Variants in TNKS1BP1 observed in about 807,000 individuals in gnomAD.
TNKS1BP1 encodes the protein 182 kDa tankyrase-1-binding protein.
Under a neutral mutation model 141.1 loss-of-function variants are expected in TNKS1BP1, and 48 were observed. The observed-to-expected ratio is 0.34, with a 90% CI of 0.27 to 0.43. The LOEUF is 0.43. TNKS1BP1 is among the 20% of genes least tolerant of loss of function. The pLI is 1.00. For missense variants in TNKS1BP1, 2,149 were observed against 2,226.0 expected (o/e 0.97, Z 0.70); for synonymous variants, 875 against 898.2 (o/e 0.97, Z 0.46).
rs1855945608 is a variant in TNKS1BP1 at position 57,324,903 on chromosome 11, C to A, written c.-129G>T. The A allele has an allele frequency of 3.1e-6, 3 of 983,544 alleles. No individual in the cohort carries two copies. Among genetic ancestry groups the A allele is most frequent in the Non-Finnish European group, 1.2e-6 (1 of 827,774 alleles). 60.9% of individuals were successfully genotyped at this position (983,544 alleles called of 1,614,324 possible). On this transcript the variant is annotated 5_prime_UTR_variant, in exon 1 of 12. Coordinates refer to ENST00000358252, the MANE Select transcript of TNKS1BP1 (RefSeq NM_033396.3). ...CCGATGCCAGTCCCCGCCGCCGCCGCCGCTGCTACCGCCGCCGCCGCCGCC... is the reference window on the plus strand; with the variant it reads ...CCGATGCCAGTCCCCGCCGCCGCCGACGCTGCTACCGCCGCCGCCGCCGCC...
In TNKS1BP1 at chr11:57,313,488, G is replaced by A. The variant is rs1395715381; in HGVS notation, c.1200C>T (p.Leu400=). Residue 400 remains leucine, a synonymous_variant, in exon 5 of 12, where the codon CTC becomes CTT. Transcript: ENST00000358252. The part of the protein sequence containing the change: ...PLIEVGELLD[L]TRTFPSGGEE... ...CCCCGCCAGATGGAAACGTCCGAGT[G>A]AGATCCAGCAACTCACCCACCTCGA... 1 of 1,580,462 alleles carries A rather than the reference G, an allele frequency of 6.3e-7. No individual in the cohort carries two copies.
At position 57,301,813 on chromosome 11, in the gene TNKS1BP1, G is replaced by A. The variant is rs750744427; in HGVS notation, c.4965C>T (p.Ala1655=). Residue 1655 remains alanine, a synonymous_variant, in exon 9 of 12, where the codon GCC becomes GCT. Coordinates refer to ENST00000358252, the MANE Select transcript of TNKS1BP1 (RefSeq NM_033396.3). ...VNLFPGLSPS[A]LKAKLRPRNR... is the part of the protein sequence containing the mutation. ...CTTAATGATCAGATGGTACCTTCAG[G>A]GCTGAGGGGCTCAGGCCAGGAAAGA... 12 of 1,613,816 alleles carry A rather than the reference G, an allele frequency of 7.4e-6. No individual in the cohort carries two copies. In the South Asian group the frequency reaches 9.9e-5, roughly 13 times the overall value.
chr11:57,318,269 T>C (rs1440796069), intron 3 of TNKS1BP1, among the ~76,000 whole-genome samples: 1 of 152,196 alleles, frequency 6.6e-6, no homozygotes, highest in Non-Finnish European at 1.5e-5. Flanking sequence ...GCCCTGCCAA[T>C]ACTTCTTGAA....
chr11:57,317,968 G>A (rs2134370732), intron 3 of TNKS1BP1, 81 bp from the exon 4 acceptor site: 1 of 1,365,650 alleles, frequency 7.3e-7, no homozygotes, highest in South Asian at 1.2e-5. Context: ...GAGTCTCCCA[G>A]TGCAACTTTA....
rs767208633 is a variant in TNKS1BP1, at chr11:57,301,032, G to A, written c.4981C>T (p.Arg1661Cys). 30 of 1,610,670 alleles carry A rather than the reference G, an allele frequency of 1.9e-5. 1 individual carries two copies. The highest frequency in any genetic ancestry group is 9.9e-5 in the South Asian group (9 of 90,718). Reference sequence around the variant, plus strand: ...TCCTCAGCTGAGCGATTCCGGGGGCGCAGCTTGGCCTGAGAAGCAAGTCCA... The same window carrying A: ...TCCTCAGCTGAGCGATTCCGGGGGCACAGCTTGGCCTGAGAAGCAAGTCCA... ...LSPSALKAKL[R>C]PRNRSAEEGE... Residue 1661 changes from arginine (R) to cysteine (C), a missense_variant, in exon 10 of 12, where the codon CGC becomes TGC. Arg to Cys is a radical substitution (Grantham distance 180). Coordinates refer to ENST00000358252, the MANE Select transcript of TNKS1BP1 (RefSeq NM_033396.3).
At chr11:57,301,077 G>C in intron 9 of TNKS1BP1, 36 bp from the exon 10 acceptor site, 8 of 1,564,752 alleles carry the variant, frequency 5.1e-6, no homozygotes, top group Non-Finnish European at 6.9e-6. Context: ...AGATAGTAGA[G>C]GGACAGGCAG....
chr11:57,304,215 A>G (rs1045284076), intron 6 of TNKS1BP1, among the ~76,000 whole-genome samples: 8 of 152,008 alleles, frequency 5.3e-5, no homozygotes, highest in Admixed American at 1.3e-4. Flanking sequence ...CCAGGTTCCC[A>G]CTGGGATTAA....
Position 57,310,374 on chromosome 11 carries a change from C to T in TNKS1BP1, c.2337G>A (p.Gly779=), listed in dbSNP as rs1209953785. 1 of 1,614,074 alleles carries T rather than the reference C, an allele frequency of 6.2e-7. No homozygotes were observed. Among genetic ancestry groups the T allele is most frequent in the Non-Finnish European group, 8.5e-7 (1 of 1,180,042 alleles). ...TGGTGCTCCCTTCCCCTGCTCCTTG[C>T]CCATACTTGCTGGTCCAGTCCCTCT... ...LGERDWTSKY[G]QGAGEGSTRE... Residue 779 remains glycine, a synonymous_variant, in exon 6 of 12, where the codon GGG becomes GGA. Coordinates refer to ENST00000358252, the MANE Select transcript of TNKS1BP1 (RefSeq NM_033396.3).
At chr11:57,310,785 C>A (rs184979717) in intron 5 of TNKS1BP1, among the ~76,000 whole-genome samples, 187 of 152,256 alleles carry the variant, frequency 1.2e-3, no homozygotes, top group African/African-American at 4.2e-3. Flanking sequence ...TAAATGAGAT[C>A]ATTTAGACCA....
rs1855497934 is a variant in TNKS1BP1, at chr11:57,299,804, G to GA, written c.*289dup. On this transcript the variant is annotated 3_prime_UTR_variant, in exon 12 of 12. Coordinates refer to ENST00000358252, the MANE Select transcript of TNKS1BP1 (RefSeq NM_033396.3). ...AAAATGCTATAAATTGGTATCAAAA[G>GA]AAAACCCAAGGGAGGCTGGAGGAGG... 1 of 154,926 alleles carries GA rather than the reference G, an allele frequency of 6.5e-6. No individual in the cohort carries two copies. The highest frequency in any genetic ancestry group is 2.0e-4 in the South Asian group (1 of 4,918). 9.6% of individuals were successfully genotyped at this position (154,926 alleles called of 1,614,324 possible). A position where few individuals can be genotyped will look rare whatever the true frequency, so the allele number is the denominator to read the frequency against.
intron 4 of TNKS1BP1, among the ~76,000 whole-genome samples, chr11:57,315,420 CA>C (rs1052614504): frequency 2.0e-4 from 31 of 152,244 alleles, no homozygotes; most frequent in African/African-American, 7.2e-4. Context: ...TCTGCTTCAT[CA>C]TACTGTTTAA....
At position 57,313,595 on chromosome 11, in the gene TNKS1BP1, G is replaced by A; in HGVS notation, c.1093C>T (p.Pro365Ser). 1 of 1,596,620 alleles carries A rather than the reference G, an allele frequency of 6.3e-7. No individual in the cohort carries two copies. Among genetic ancestry groups the A allele is most frequent in the Non-Finnish European group, 8.5e-7 (1 of 1,172,288 alleles). ...GLPAEGAPEA[P>S]RPSSPPPEVL... Reference sequence around the variant, plus strand: ...TCAGGGGGTGGGCTGCTGGGTCTGGGGGCCTCTGGAGCCCCCTCGGCAGGG... The same window carrying A: ...TCAGGGGGTGGGCTGCTGGGTCTGGAGGCCTCTGGAGCCCCCTCGGCAGGG... Residue 365 changes from proline to serine, a missense_variant, in exon 5 of 12, where the codon CCC becomes TCC. Pro to Ser is a moderately conservative substitution (Grantham distance 74, BLOSUM62 -1). Coordinates refer to ENST00000358252, the MANE Select transcript of TNKS1BP1 (RefSeq NM_033396.3).
rs200365694 is a variant in TNKS1BP1, at chr11:57,312,596, C to G, written c.2092G>C (p.Gly698Arg). ...LLASPPPSGG[G>R]ARRGAGAELK... ...TCAGCTCCAGCTCCCCGCCTTGCAC[C>G]GCCACCACTGGGTGGTGGTGAAGCC... The change falls in exon 5 of 12, where the codon GGT becomes CGT. Residue 698 changes from glycine to arginine, a missense_variant. Physicochemically the swap from Gly to Arg is moderately radical, Grantham distance 125. Coordinates refer to ENST00000358252, the MANE Select transcript of TNKS1BP1 (RefSeq NM_033396.3). 4 of 1,526,528 alleles carry G rather than the reference C, an allele frequency of 2.6e-6. No individual in the cohort carries two copies. The African/African-American group carries it at 4.2e-5, about 16-fold the overall frequency. 94.6% of individuals were successfully genotyped at this position (1,526,528 alleles called of 1,614,324 possible). A position where few individuals can be genotyped will look rare whatever the true frequency, so the allele number is the denominator to read the frequency against.
chr11:57,323,028 TCA>T (rs1274613182), intron 1 of TNKS1BP1, among the ~76,000 whole-genome samples: 1 of 152,182 alleles, frequency 6.6e-6, no homozygotes, highest in African/African-American at 2.4e-5. Context: ...TCTCCAAGCC[TCA>T]GTTTCTCCAA....
At position 57,313,404 on chromosome 11, in the gene TNKS1BP1, G is replaced by A. The variant is rs768441436; in HGVS notation, c.1284C>T (p.Phe428=). The A allele has an allele frequency of 2.5e-6, 4 of 1,612,090 alleles. No individual in the cohort carries two copies. The highest frequency in any genetic ancestry group is 3.4e-6 in the Non-Finnish European group (4 of 1,179,322). ...TGGGTGACTGGAGCACACCTTCAGA[G>A]AATCGGCGCTGAACCAGGCTGGTGG... The part of the protein sequence containing the change: ...LRPTSLVQRR[F]SEGVLQSPSQ... Residue 428 remains phenylalanine (F), a synonymous_variant, in exon 5 of 12, where the codon TTC becomes TTT. Coordinates refer to ENST00000358252, the MANE Select transcript of TNKS1BP1 (RefSeq NM_033396.3).
Position 57,308,878 on chromosome 11 carries a change from T to A in TNKS1BP1, c.3833A>T (p.Gln1278Leu), listed in dbSNP as rs769960251. ...FLKSRERGVG[Q>L]ADWTPDLGLR... ...CCCAAGGTCAGGTGTCCAGTCTGCCTGTCCAACTCCACGCTCCCTTGATTT... is the reference window on the plus strand; with the variant it reads ...CCCAAGGTCAGGTGTCCAGTCTGCCAGTCCAACTCCACGCTCCCTTGATTT... The change falls in exon 6 of 12, where the codon CAG becomes CTG. Residue 1278 changes from glutamine (Q) to leucine (L), a missense_variant. Physicochemically the swap from Gln to Leu is moderately radical, Grantham distance 113. Coordinates refer to ENST00000358252, the MANE Select transcript of TNKS1BP1 (RefSeq NM_033396.3). 9.9e-6 allele frequency: 16 copies of A among 1,614,004 alleles called. No individual in the cohort carries two copies. The highest frequency in any genetic ancestry group is 1.4e-5 in the Non-Finnish European group (16 of 1,180,024).
chr11:57,318,701 T>C (rs1855833930), intron 3 of TNKS1BP1, among the ~76,000 whole-genome samples: 1 of 152,246 alleles, frequency 6.6e-6, no homozygotes, highest in Non-Finnish European at 1.5e-5. Flanking sequence ...CCTCAGCCTC[T>C]TCCTCCAAAG....
At chr11:57,324,437 G>A (rs1241044667) in intron 1 of TNKS1BP1, among the ~76,000 whole-genome samples, 1 of 148,718 alleles carries the variant, frequency 6.7e-6, no homozygotes, top group African/African-American at 2.5e-5. Context: ...GTGGGCTGCA[G>A]ACGTCGATCA....
chr11:57,306,713 G>A lies in TNKS1BP1; in HGVS notation c.4316+1682C>T, dbSNP rs149383361. 5.3e-5 allele frequency among the ~76,000 whole-genome samples: 8 copies of A among 152,194 alleles called. No homozygotes were observed. In the East Asian group the frequency reaches 9.6e-4, roughly 18 times the overall value. On this transcript the variant is annotated intron_variant, in intron 6 of 11. Coordinates refer to ENST00000358252, the MANE Select transcript of TNKS1BP1 (RefSeq NM_033396.3). ...TTAAAGTCAACACTGGCCAGATTACGGTAACACAACCACAAAAGCCTGGGT... is the reference window on the plus strand; with the variant it reads ...TTAAAGTCAACACTGGCCAGATTACAGTAACACAACCACAAAAGCCTGGGT...
Sources: allele counts gnomAD v4.1 joint callset (sites outside exome capture counted in the v4.1 genomes callset), GRCh38; gene constraint gnomAD v4.1.1; transcripts MANE v1.5; gene names NCBI Gene and HGNC (gene_info 2026-07-23, HGNC 2026-07-21).